Variants in HDAC2 observed in about 807,000 individuals in gnomAD.
HDAC2 encodes the protein YY1-associated factor 1.
A neutral mutation model predicts 68.5 loss-of-function variants in HDAC2; 5 were observed. That is an observed-to-expected ratio of 0.07 (90% CI 0.04 to 0.15). The LOEUF (loss-of-function observed/expected upper bound fraction) is 0.15, where lower values mean the gene tolerates loss of function less well. HDAC2 is among the 10% of genes least tolerant of loss of function. HDAC2 has a pLI of 1.00. For synonymous variants in HDAC2, 182 were observed against 191.3 expected, an observed-to-expected ratio of 0.95 and a Z score of 0.40; for missense variants, 291 against 600.8, an observed-to-expected ratio of 0.48 and a Z score of 5.39.
rs1045508575 is a variant in HDAC2 at position 113,935,312 on chromosome 6, G to T, written c.*5746C>A. 4.6e-5 allele frequency: 7 copies of T among 152,236 alleles called. No individual in the cohort carries two copies. Among genetic ancestry groups the T allele is most frequent in the Admixed American group, 1.3e-4 (2 of 15,290 alleles). The allele number at this position is 152,236 out of a possible 1,614,324, so 9.4% of individuals were successfully genotyped here. A position where few individuals can be genotyped will look rare whatever the true frequency, so the allele number is the denominator to read the frequency against. Reference sequence around the variant, plus strand: ...TCAAACATTATTTGTTGCCAGAAGTGTAATGACTTTTTGTTGGTATTTGTT... The same window carrying T: ...TCAAACATTATTTGTTGCCAGAAGTTTAATGACTTTTTGTTGGTATTTGTT... On this transcript the variant is annotated 3_prime_UTR_variant, in exon 14 of 14. Coordinates refer to ENST00000519065, the MANE Select transcript of HDAC2 (RefSeq NM_001527.4).
intron 1 of HDAC2, among the ~76,000 whole-genome samples, chr6:113,961,718 T>C (rs2114615062): frequency 6.6e-6 from 1 of 152,290 alleles, no homozygotes; most frequent in South Asian, 2.1e-4. Flanking sequence ...ACTAGTGTTA[T>C]TACAAAGCAT....
chr6:113,970,530 C>A, intron 1 of HDAC2: 1 of 1,201,936 alleles, frequency 8.3e-7, no homozygotes, highest in Non-Finnish European at 1.0e-6. Context: ...GGGCCGCCCC[C>A]TTCGCCGCCG....
rs1355637677 is a variant in HDAC2, at chr6:113,970,955, C to G, written c.-47G>C. The G allele has an allele frequency of 6.4e-7, 1 of 1,560,330 alleles. No homozygotes were observed. ...CACCGGGCTCCTCCTCCTGCTGCTG[C>G]TGCTGCTGCTGCTGCCGCCGCGGCT... On this transcript the variant is annotated 5_prime_UTR_variant, in exon 1 of 14. Transcript: ENST00000519065.
chr6:113,939,748 A>G lies in HDAC2; in HGVS notation c.*1310T>C, dbSNP rs1776087964. On this transcript the variant is annotated 3_prime_UTR_variant, in exon 14 of 14. Transcript: ENST00000519065. Reference sequence around the variant, plus strand: ...AGAGCTTCAATTTCGGTGTATTTTAAGAAAAAAACACCGAAGCAAATATAG... The same window carrying G: ...AGAGCTTCAATTTCGGTGTATTTTAGGAAAAAAACACCGAAGCAAATATAG... 6.6e-6 allele frequency: 1 copy of G among 152,236 alleles called. No homozygotes were observed. Among genetic ancestry groups the G allele is most frequent in the South Asian group, 2.1e-4 (1 of 4,832 alleles). 9.4% of individuals were successfully genotyped at this position (152,236 alleles called of 1,614,324 possible). A position where few individuals can be genotyped will look rare whatever the true frequency, so the allele number is the denominator to read the frequency against.
chr6:113,947,293 G>A (rs1164542709), intron 8 of HDAC2: 3 of 152,060 alleles, frequency 2.0e-5, no homozygotes, highest in Non-Finnish European at 4.4e-5. Flanking sequence ...GCCAAAATTT[G>A]TAAAAATGAA....
At position 113,939,550 on chromosome 6, in the gene HDAC2, T is replaced by A. The variant is rs1776081138; in HGVS notation, c.*1508A>T. 6.6e-6 allele frequency: 1 copy of A among 152,236 alleles called. No individual in the cohort carries two copies. The highest frequency in any genetic ancestry group is 2.4e-5 in the African/African-American group (1 of 41,460). 9.4% of individuals were successfully genotyped at this position (152,236 alleles called of 1,614,324 possible). ...TTCATTATCCCCCTAACGAAGGGAC[T>A]AAGTTTCTTAGTTCCTAATGTCATA... On this transcript the variant is annotated 3_prime_UTR_variant, in exon 14 of 14. Transcript: ENST00000519065.
chr6:113,934,404 T>G lies in HDAC2; in HGVS notation c.*6654A>C, dbSNP rs1266262744. The G allele has an allele frequency of 2.0e-5, 3 of 152,200 alleles. No individual in the cohort carries two copies. The highest frequency in any genetic ancestry group is 4.4e-5 in the Non-Finnish European group (3 of 68,030). The allele number at this position is 152,200 out of a possible 1,614,324, so 9.4% of individuals were successfully genotyped here. The stretch of plus-strand genomic sequence containing the variant: ...TTAAATGACTTGCCCAAAGCAAAGT[T>G]GTGTAATGTAAAGGCTGGTGCTAGA... On this transcript the variant is annotated 3_prime_UTR_variant, in exon 14 of 14. Transcript: ENST00000519065.
rs1447812430 is a variant in HDAC2, at chr6:113,943,582, T to C, written c.1223-76A>G. The C allele has an allele frequency of 3.6e-6, 4 of 1,107,300 alleles. No individual in the cohort carries two copies. The African/African-American group carries it at 4.8e-5, about 13-fold the overall frequency. 68.6% of individuals were successfully genotyped at this position (1,107,300 alleles called of 1,614,324 possible). On this transcript the variant is annotated intron_variant, in intron 11 of 13. Coordinates refer to ENST00000519065, the MANE Select transcript of HDAC2 (RefSeq NM_001527.4). ...AATCATTACAGCATACTCATACAAATGCACTAAGCAGTTAGTTACCACATT... is the reference window on the plus strand; with the variant it reads ...AATCATTACAGCATACTCATACAAACGCACTAAGCAGTTAGTTACCACATT...
rs910371253 is a variant in HDAC2 at position 113,937,932 on chromosome 6, G to A, written c.*3126C>T. The A allele has an allele frequency of 6.6e-6, 1 of 152,212 alleles. No individual in the cohort carries two copies. The highest frequency in any genetic ancestry group is 1.5e-5 in the Non-Finnish European group (1 of 68,074). 9.4% of individuals were successfully genotyped at this position (152,212 alleles called of 1,614,324 possible). On this transcript the variant is annotated 3_prime_UTR_variant, in exon 14 of 14. Coordinates refer to ENST00000519065, the MANE Select transcript of HDAC2 (RefSeq NM_001527.4). ...GAAGGCCAAGGTGGGTGGATCATGAGGTCAGGAGTTCGAGGCCAGCCTGGC... is the reference window on the plus strand; with the variant it reads ...GAAGGCCAAGGTGGGTGGATCATGAAGTCAGGAGTTCGAGGCCAGCCTGGC...
chr6:113,949,395 C>A, intron 6 of HDAC2, 135 bp from the exon 7 acceptor site: 1 of 628,338 alleles, frequency 1.6e-6, no homozygotes, highest in Non-Finnish European at 2.9e-6. Context: ...AAGTTGAGAC[C>A]GGAACAATCA....
intron 1 of HDAC2, among the ~76,000 whole-genome samples, chr6:113,960,976 A>T (rs1776670091): frequency 6.6e-6 from 1 of 152,124 alleles, no homozygotes. Context: ...ATTAGGTATT[A>T]TGAGTAATCT....
At chr6:113,952,780 G>T (rs1293523994) in intron 6 of HDAC2, among the ~76,000 whole-genome samples, 1 of 151,990 alleles carries the variant, frequency 6.6e-6, no homozygotes, top group Non-Finnish European at 1.5e-5. Context: ...TAACAGGCAG[G>T]CAAGGTTACA....
At chr6:113,950,531 T>C (rs1172662138) in intron 6 of HDAC2, among the ~76,000 whole-genome samples, 1 of 151,784 alleles carries the variant, frequency 6.6e-6, no homozygotes, top group Non-Finnish European at 1.5e-5. Flanking sequence ...TTGCTGGGAC[T>C]ACAGGTGCAC....
chr6:113,955,972 C>A, intron 5 of HDAC2, 41 bp downstream of exon 5: 1 of 1,451,250 alleles, frequency 6.9e-7, no homozygotes, highest in Non-Finnish European at 9.3e-7. Context: ...TTAATGAAAA[C>A]ACTTTATCAC....
chr6:113,956,983 T>C, intron 3 of HDAC2: 1 of 247,640 alleles, frequency 4.0e-6, no homozygotes, highest in Non-Finnish European at 7.7e-6. Flanking sequence ...CTTATTTAAT[T>C]AAAACACAGG....
chr6:113,969,327 C>T (rs963730921), intron 1 of HDAC2, among the ~76,000 whole-genome samples: 9 of 152,140 alleles, frequency 5.9e-5, no homozygotes, highest in Non-Finnish European at 1.0e-4. Context: ...AGATTTTCCC[C>T]AAATGACACA....
chr6:113,937,555 T>C lies in HDAC2; in HGVS notation c.*3503A>G, dbSNP rs1178866067. 2.0e-5 allele frequency: 3 copies of C among 152,230 alleles called. No homozygotes were observed. The highest frequency in any genetic ancestry group is 4.4e-5 in the Non-Finnish European group (3 of 68,050). 9.4% of individuals were successfully genotyped at this position (152,230 alleles called of 1,614,324 possible). A position where few individuals can be genotyped will look rare whatever the true frequency, so the allele number is the denominator to read the frequency against. On this transcript the variant is annotated 3_prime_UTR_variant, in exon 14 of 14. Coordinates refer to ENST00000519065, the MANE Select transcript of HDAC2 (RefSeq NM_001527.4). ...CTGAGTTTCCTCAAACACTTGACAA[T>C]AGTTGCTTTCTAAGTCTGTAACATG...
In HDAC2 at chr6:113,970,958, C is replaced by CT; in HGVS notation, c.-51dup. The CT allele has an allele frequency of 6.4e-7, 1 of 1,561,912 alleles. No individual in the cohort carries two copies. The highest frequency in any genetic ancestry group is 1.4e-5 in the African/African-American group (1 of 73,898). ...CGGGCTCCTCCTCCTGCTGCTGCTG[C>CT]TGCTGCTGCTGCCGCCGCGGCTCGG... On this transcript the variant is annotated 5_prime_UTR_variant, in exon 1 of 14. Transcript: ENST00000519065.
intron 6 of HDAC2, among the ~76,000 whole-genome samples, chr6:113,950,030 C>T (rs1776372143): frequency 6.6e-6 from 1 of 152,120 alleles, no homozygotes; most frequent in African/African-American, 2.4e-5. Flanking sequence ...ATCCACCCAC[C>T]TCGGCCCCCC....
Sources: allele counts gnomAD v4.1 joint callset (sites outside exome capture counted in the v4.1 genomes callset), GRCh38; gene constraint gnomAD v4.1.1; transcripts MANE v1.5; gene names NCBI Gene and HGNC (gene_info 2026-07-23, HGNC 2026-07-21).